The following PPM1L variants were observed in gnomAD, a reference collection of about 807,000 sequenced individuals.
The protein encoded by PPM1L is protein phosphatase 1L.
PPM1L carries 13 observed loss-of-function variants against 31.4 expected under a neutral mutation model. That is an observed-to-expected ratio of 0.41 (90% CI 0.27 to 0.66). The LOEUF is 0.66. Ranked by LOEUF, PPM1L falls within the 30% of genes least tolerant of loss-of-function variation. The pLI, the probability that PPM1L is intolerant of heterozygous loss-of-function variation, is 0.29. For synonymous variants in PPM1L, 184 were observed against 175.4 expected, an observed-to-expected ratio of 1.05 and a Z score of -0.39; for missense variants, 326 against 453.7, an observed-to-expected ratio of 0.72 and a Z score of 2.56.
At chr3:161,016,411 T>C (rs551871085) in intron 2 of PPM1L, among the ~76,000 whole-genome samples, 352 of 152,296 alleles carry the variant, frequency 2.3e-3, no homozygotes, top group African/African-American at 8.3e-3. Flanking sequence ...ATGTGATAAA[T>C]TGTCTCTCAG....
intron 1 of PPM1L, among the ~76,000 whole-genome samples, chr3:160,802,018 G>A (rs1712444200): frequency 6.6e-6 from 1 of 152,120 alleles, no homozygotes; most frequent in African/African-American, 2.4e-5. Flanking sequence ...CTTCAGAAGT[G>A]CTTTCCTTAT....
At chr3:160,918,724 CA>C (rs1232602678) in intron 1 of PPM1L, among the ~76,000 whole-genome samples, 1 of 151,742 alleles carries the variant, frequency 6.6e-6, no homozygotes, top group African/African-American at 2.4e-5. Flanking sequence ...AATAGTTCAC[CA>C]GTGATTTGGC....
intron 1 of PPM1L, among the ~76,000 whole-genome samples, chr3:160,947,591 T>C (rs1715449894): frequency 6.6e-6 from 1 of 152,124 alleles, no homozygotes; most frequent in Non-Finnish European, 1.5e-5. Context: ...TGTTCATTTC[T>C]ATCTCCCCAC....
chr3:161,039,571 G>A (rs1265062096), intron 2 of PPM1L, among the ~76,000 whole-genome samples: 1 of 152,130 alleles, frequency 6.6e-6, no homozygotes, highest in Non-Finnish European at 1.5e-5. Context: ...CGCCCAGGCT[G>A]GAGTGCAGGG....
chr3:161,032,912 T>C (rs1718621707), intron 2 of PPM1L, among the ~76,000 whole-genome samples: 1 of 149,982 alleles, frequency 6.7e-6, no homozygotes, highest in African/African-American at 2.5e-5. Flanking sequence ...GGTTTCACCA[T>C]GTTGGTCAGG....
At chr3:161,014,144 T>G (rs904597175) in intron 2 of PPM1L, among the ~76,000 whole-genome samples, 44 of 152,200 alleles carry the variant, frequency 2.9e-4, no homozygotes, top group African/African-American at 1.0e-3. Context: ...TTTGCATGTT[T>G]TTGCAGTGGC....
rs1001665496 is a variant in PPM1L at position 161,027,241 on chromosome 3, G to A, written c.575-38162G>A. 2.6e-5 allele frequency among the ~76,000 whole-genome samples: 4 copies of A among 152,336 alleles called. No individual in the cohort carries two copies. The East Asian group carries it at 7.7e-4, about 29-fold the overall frequency. On this transcript the variant is annotated intron_variant, in intron 2 of 3. Coordinates refer to ENST00000498165, the MANE Select transcript of PPM1L (RefSeq NM_139245.4). Reference sequence around the variant, plus strand: ...TTTGACAGCACTGTGGAGCAGCTATGATGGGAGTGGGGAGATTGCAGGCCA... The same window carrying A: ...TTTGACAGCACTGTGGAGCAGCTATAATGGGAGTGGGGAGATTGCAGGCCA...
intron 1 of PPM1L, among the ~76,000 whole-genome samples, chr3:160,779,601 C>T (rs1195351511): frequency 6.6e-6 from 1 of 152,088 alleles, no homozygotes; most frequent in Non-Finnish European, 1.5e-5. Context: ...CGGCCCACTG[C>T]AACCTCTGCC....
intron 1 of PPM1L, among the ~76,000 whole-genome samples, chr3:160,805,560 A>G (rs1712572731): frequency 6.6e-6 from 1 of 152,116 alleles, no homozygotes; most frequent in Non-Finnish European, 1.5e-5. Flanking sequence ...TGTCTCTGCT[A>G]AAAATACAAA....
At chr3:160,825,345 G>A (rs1314544722) in intron 1 of PPM1L, among the ~76,000 whole-genome samples, 1 of 152,004 alleles carries the variant, frequency 6.6e-6, no homozygotes, top group East Asian at 1.9e-4. Flanking sequence ...AAAAATTTTA[G>A]ATCAAACCAT....
chr3:160,920,637 A>T (rs924983731), intron 1 of PPM1L, among the ~76,000 whole-genome samples: 24 of 100,202 alleles, frequency 2.4e-4, no homozygotes, highest in East Asian at 1.8e-3. Flanking sequence ...ACACACACAC[A>T]CTCACACACA....
rs113273287 is a variant in PPM1L at position 160,756,752 on chromosome 3, C to CGTGTGTGTGTGTGT, written c.399+70_399+83dup. The CGTGTGTGTGTGTGT allele has an allele frequency of 4.4e-3, 4,430 of 1,015,842 alleles. 32 individuals carry two copies. Among genetic ancestry groups the CGTGTGTGTGTGTGT allele is most frequent in the Admixed American group, 0.023 (962 of 42,622 alleles). The allele number at this position is 1,015,842 out of a possible 1,614,324, so 62.9% of individuals were successfully genotyped here. On this transcript the variant is annotated intron_variant, in intron 1 of 3. Coordinates refer to ENST00000498165, the MANE Select transcript of PPM1L (RefSeq NM_139245.4). The surrounding 1 kb of genome is among the most constrained non-coding windows in gnomAD (Gnocchi z 6.2). ...TTTGTATTTGTGTCCGTGTATGTCT[C>CGTGTGTGTGTGTGT]GTGTGTGTGTGTGTGTGTGTGTGTG...
chr3:161,051,623 T>C (rs780498858), intron 2 of PPM1L, among the ~76,000 whole-genome samples: 1 of 152,090 alleles, frequency 6.6e-6, no homozygotes, highest in Non-Finnish European at 1.5e-5. Context: ...TTAGAGTCAG[T>C]TTTATAGTCT....
Position 160,860,999 on chromosome 3 carries a change from A to G in PPM1L, c.400-100737A>G, listed in dbSNP as rs1711865128. On this transcript the variant is annotated intron_variant, in intron 1 of 3. Coordinates refer to ENST00000498165, the MANE Select transcript of PPM1L (RefSeq NM_139245.4). ...TTGGGGGAACACAAGCATTTAGTTC[A>G]TAACAGATCCTTAAGACATTGTCTG... Among the ~76,000 whole-genome samples, 4 of 152,354 alleles carry G rather than the reference A, an allele frequency of 2.6e-5. No individual in the cohort carries two copies. In the South Asian group the frequency reaches 8.3e-4, roughly 32 times the overall value.
At chr3:160,877,776 A>G (rs1257534868) in intron 1 of PPM1L, among the ~76,000 whole-genome samples, 1 of 152,168 alleles carries the variant, frequency 6.6e-6, no homozygotes, top group African/African-American at 2.4e-5. Flanking sequence ...TTTACATAAC[A>G]CACGAAGGAG....
chr3:160,911,307 A>G (rs1713964315), intron 1 of PPM1L, among the ~76,000 whole-genome samples: 1 of 152,178 alleles, frequency 6.6e-6, no homozygotes. Context: ...GTTGTATGTT[A>G]TGTATCTCTG....
chr3:160,903,208 T>TTGTGTGTGTGTGTGTGTGTGTG (rs59232471), intron 1 of PPM1L, among the ~76,000 whole-genome samples: 2 of 120,038 alleles, frequency 1.7e-5, no homozygotes, highest in African/African-American at 6.2e-5. Flanking sequence ...GTGTGTATGT[T>TTGTGTGTGTGTGTGTGTGTGTG]TGTGTGTGTG....
chr3:160,831,421 C>T (rs1713522589), intron 1 of PPM1L, among the ~76,000 whole-genome samples: 1 of 152,164 alleles, frequency 6.6e-6, no homozygotes, highest in Admixed American at 6.5e-5. Flanking sequence ...GTATCATGAT[C>T]TAATTTGAGT....
chr3:161,037,491 C>T lies in PPM1L; in HGVS notation c.575-27912C>T, dbSNP rs531214673. Among the ~76,000 whole-genome samples, 5 of 148,944 alleles carry T rather than the reference C, an allele frequency of 3.4e-5. No homozygotes were observed. In the East Asian group the frequency reaches 8.1e-4, roughly 24 times the overall value. On this transcript the variant is annotated intron_variant, in intron 2 of 3. Coordinates refer to ENST00000498165, the MANE Select transcript of PPM1L (RefSeq NM_139245.4). ...GTGCAATGGTACGATCTCAGCTCAC[C>T]GCAACCTCCACCTCCCAGGTTCAAG...
Sources: allele counts gnomAD v4.1 joint callset (sites outside exome capture counted in the v4.1 genomes callset), GRCh38; gene constraint gnomAD v4.1.1; non-coding constraint Gnocchi (gnomAD v3.1); transcripts MANE v1.5; gene names NCBI Gene and HGNC (gene_info 2026-07-23, HGNC 2026-07-21).